LATS1: variants seen among roughly 807,000 people sequenced by gnomAD.
LATS1 encodes large tumor suppressor kinase 1.
In LATS1, 25 loss-of-function variants were observed where a neutral mutation model predicts 106.6. The observed-to-expected ratio is 0.23, with a 90% CI of 0.17 to 0.33. The LOEUF (loss-of-function observed/expected upper bound fraction) is 0.33, where lower values mean the gene tolerates loss of function less well. Among genes scored for constraint, LATS1 ranks in the 10% least tolerant of loss-of-function variants. The probability of loss-of-function intolerance (pLI) is 1.00; values close to 1 mark genes in which losing one functional copy is unlikely to be tolerated. For missense variants in LATS1, 1,040 were observed against 1,382.6 expected, an observed-to-expected ratio of 0.75 and a Z score of 3.93; for synonymous variants, 465 against 455.6, an observed-to-expected ratio of 1.02 and a Z score of -0.26.
intron 3 of LATS1, among the ~76,000 whole-genome samples, chr6:149,690,282 C>T (rs1782666485): frequency 6.8e-6 from 1 of 146,890 alleles, no homozygotes; most frequent in African/African-American, 2.5e-5. Context: ...GGCGCGATCT[C>T]GGCTCACCGC....
chr6:149,692,671 T>C (rs1245421411), intron 3 of LATS1, among the ~76,000 whole-genome samples: 1 of 151,088 alleles, frequency 6.6e-6, no homozygotes, highest in African/African-American at 2.5e-5. Context: ...CTTTTTCTTT[T>C]TCTTTCTTTT....
At chr6:149,671,370 G>A (rs1438545488) in intron 7 of LATS1, among the ~76,000 whole-genome samples, 1 of 151,970 alleles carries the variant, frequency 6.6e-6, no homozygotes, top group Non-Finnish European at 1.5e-5. Context: ...CTAACCTCAG[G>A]TGATCCACCC....
intron 1 of LATS1, among the ~76,000 whole-genome samples, chr6:149,715,751 T>C (rs1784344438): frequency 6.6e-6 from 1 of 152,200 alleles, no homozygotes; most frequent in African/African-American, 2.4e-5. Context: ...TAGAAAGTTA[T>C]ACTAATTTTA....
In LATS1 at chr6:149,660,155, T is replaced by C. The variant is rs1159852046; in HGVS notation, c.*1574A>G. Reference sequence around the variant, plus strand: ...AACTGCATGCAACATTGTATGTGTATGTGTGGTTTTTTTTTCTAGGAAGAG... The same window carrying C: ...AACTGCATGCAACATTGTATGTGTACGTGTGGTTTTTTTTTCTAGGAAGAG... On this transcript the variant is annotated 3_prime_UTR_variant, in exon 8 of 8. Coordinates refer to ENST00000543571, the MANE Select transcript of LATS1 (RefSeq NM_004690.4). 1 of 232,612 alleles carries C rather than the reference T, an allele frequency of 4.3e-6. No individual in the cohort carries two copies. The highest frequency in any genetic ancestry group is 5.6e-5 in the Admixed American group (1 of 17,750). 14.4% of individuals were successfully genotyped at this position (232,612 alleles called of 1,614,324 possible). A position where few individuals can be genotyped will look rare whatever the true frequency, so the allele number is the denominator to read the frequency against.
At chr6:149,695,268 T>A in intron 2 of LATS1, 47 bp from the exon 3 acceptor site, 1 of 1,263,872 alleles carries the variant, frequency 7.9e-7, no homozygotes, top group Non-Finnish European at 1.1e-6. Context: ...ATTTAAATCT[T>A]ACAATAATAC....
Position 149,676,358 on chromosome 6 carries a change from G to T in LATS1, c.2785C>A (p.Gln929Lys). The T allele has an allele frequency of 6.2e-7, 1 of 1,604,248 alleles. No homozygotes were observed. The highest frequency in any genetic ancestry group is 8.5e-7 in the Non-Finnish European group (1 of 1,172,924). Residue 929 changes from glutamine (Q) to lysine (K), a missense_variant, in exon 7 of 8, where the codon CAG (glutamine) becomes AAG (lysine). Gln to Lys is a moderately conservative substitution (Grantham distance 53). Transcript: ENST00000543571. ...CCAACACTCCACCAATCACACAACT[G>T]TGTGTATCCTAAAATAACAAAGTTA... ...PEVLLRTGYT[Q>K]LCDWWSVGVI...
intron 7 of LATS1, among the ~76,000 whole-genome samples, chr6:149,667,818 A>G (rs1335322843): frequency 6.6e-6 from 1 of 152,252 alleles, no homozygotes; most frequent in Non-Finnish European, 1.5e-5. Context: ...ATTATTTGAG[A>G]GATCTGAATA....
At chr6:149,668,811 T>C (rs539847737) in intron 7 of LATS1, among the ~76,000 whole-genome samples, 1 of 151,858 alleles carries the variant, frequency 6.6e-6, no homozygotes, top group East Asian at 1.9e-4. Flanking sequence ...TTGGATGAGG[T>C]AGGTTTTGAG....
intron 7 of LATS1, among the ~76,000 whole-genome samples, chr6:149,673,182 G>A (rs1043062623): frequency 7.2e-6 from 1 of 139,080 alleles, no homozygotes; most frequent in African/African-American, 2.7e-5. Flanking sequence ...CTGCAGCCTT[G>A]ACCTCCCCAG....
Position 149,676,549 on chromosome 6 carries a change from C to T in LATS1, c.2776+6G>A. ...ACTGAGAATATATATGAAAGAAGTG[C>T]TTTACCTGTTCGTAGCAACACTTCA... On this transcript the variant is annotated splice_donor_region_variant and intron_variant, in intron 6 of 7. Coordinates refer to ENST00000543571, the MANE Select transcript of LATS1 (RefSeq NM_004690.4). The T allele has an allele frequency of 6.2e-7, 1 of 1,612,500 alleles. No individual in the cohort carries two copies. The highest frequency in any genetic ancestry group is 2.2e-5 in the East Asian group (1 of 44,870).
chr6:149,693,959 C>T (rs928926156), intron 3 of LATS1, among the ~76,000 whole-genome samples: 5 of 151,842 alleles, frequency 3.3e-5, no homozygotes, highest in Admixed American at 6.6e-5. Flanking sequence ...GGCATAGTGG[C>T]GGGCACCTGT....
intron 3 of LATS1, among the ~76,000 whole-genome samples, chr6:149,687,873 C>CT (rs1040108644): frequency 0.033 from 4,399 of 133,854 alleles, 160 homozygotes; most frequent in African/African-American, 0.08. Context: ...TGACCCTCCT[C>CT]TTTTTTTTTT....
intron 1 of LATS1, among the ~76,000 whole-genome samples, chr6:149,711,170 C>A (rs1487078137): frequency 6.6e-6 from 1 of 151,880 alleles, no homozygotes; most frequent in East Asian, 1.9e-4. Context: ...ACTGTGGTTA[C>A]TGACACATAG....
At chr6:149,695,270 CAAT>C (rs1373166658) in intron 2 of LATS1, 49 bp from the exon 3 acceptor site, 1 of 1,260,954 alleles carries the variant, frequency 7.9e-7, no homozygotes, top group African/African-American at 1.5e-5. Flanking sequence ...TTAAATCTTA[CAAT>C]AATACAAGGG....
At chr6:149,701,230 T>C (rs1247632750) in intron 2 of LATS1, among the ~76,000 whole-genome samples, 1 of 152,216 alleles carries the variant, frequency 6.6e-6, no homozygotes, top group Non-Finnish European at 1.5e-5. Flanking sequence ...ATTAAATATA[T>C]GGGTTATGAA....
Position 149,684,385 on chromosome 6 carries a change from T to A in LATS1, c.704A>T (p.Asn235Ile), listed in dbSNP as rs1290066346. The change falls in exon 4 of 8, where the codon AAC becomes ATC. Residue 235 changes from asparagine (N) to isoleucine (I), a missense_variant. Coordinates refer to ENST00000543571, the MANE Select transcript of LATS1 (RefSeq NM_004690.4). ...CCTTACTTGAGGTGGTGGTGGGGGG[T>A]TCACTCTCTGTCCGTTGCTAGGGTG... ...QAHPSNGQRV[N>I]PPPPPQVRSV... is the part of the protein sequence containing the mutation. The A allele has an allele frequency of 6.2e-7, 1 of 1,613,018 alleles. No homozygotes were observed. The highest frequency in any genetic ancestry group is 1.3e-5 in the African/African-American group (1 of 74,594).
intron 3 of LATS1, among the ~76,000 whole-genome samples, chr6:149,687,468 C>T (rs758096466): frequency 3.9e-5 from 6 of 152,036 alleles, no homozygotes; most frequent in Non-Finnish European, 7.4e-5. Flanking sequence ...GTCTTGATGT[C>T]ACCCAGGCTG....
rs1435122953 is a variant in LATS1 at position 149,659,607 on chromosome 6, G to T, written c.*2122C>A. Reference sequence around the variant, plus strand: ...AAATGTAACAAAGTTATCTTCTACTGTATTGCACCTTAGTCCAAAAGTAAA... The same window carrying T: ...AAATGTAACAAAGTTATCTTCTACTTTATTGCACCTTAGTCCAAAAGTAAA... On this transcript the variant is annotated 3_prime_UTR_variant, in exon 8 of 8. Transcript: ENST00000543571. The T allele has an allele frequency of 1.3e-5, 3 of 230,482 alleles. No individual in the cohort carries two copies. The highest frequency in any genetic ancestry group is 2.2e-5 in the African/African-American group (1 of 45,202). 14.3% of individuals were successfully genotyped at this position (230,482 alleles called of 1,614,324 possible).
chr6:149,680,326 T>C lies in LATS1; in HGVS notation c.2142A>G (p.Gly714=). ...TTGCTAGACAGACTTCACCAAATGCTCCTATTCCTAGTGTCTTTATCTTCA... is the reference window on the plus strand; with the variant it reads ...TTGCTAGACAGACTTCACCAAATGCCCCTATTCCTAGTGTCTTTATCTTCA... ...MFVKIKTLGI[G]AFGEVCLARK... is the part of the protein sequence containing the mutation. The change falls in exon 5 of 8, where the codon GGA becomes GGG. Residue 714 remains glycine, a synonymous_variant. Coordinates refer to ENST00000543571, the MANE Select transcript of LATS1 (RefSeq NM_004690.4). 1 of 1,613,920 alleles carries C rather than the reference T, an allele frequency of 6.2e-7. No homozygotes were observed. Among genetic ancestry groups the C allele is most frequent in the Admixed American group, 1.7e-5 (1 of 60,002 alleles).
Sources: gnomAD v4.1 joint callset for allele counts (sites outside exome capture counted in the v4.1 genomes callset) on GRCh38, gnomAD v4.1.1 for gene constraint, MANE v1.5 for transcripts, NCBI Gene and HGNC (gene_info 2026-07-23, HGNC 2026-07-21) for gene names.